GML: variants seen among roughly 807,000 people sequenced by gnomAD.
GML encodes the protein glycosylphosphatidylinositol anchored molecule like.
Under a neutral mutation model 8.2 loss-of-function variants are expected in GML, and 5 were observed. That is an observed-to-expected ratio of 0.61 (90% CI 0.32 to 1.28). The LOEUF (loss-of-function observed/expected upper bound fraction) is 1.28. GML is among the 50% of genes most tolerant of loss of function. GML has a pLI of 0.06. For missense variants in GML, 191 were observed against 198.3 expected, an observed-to-expected ratio of 0.96 and a Z score of 0.22; for synonymous variants, 72 against 69.0, an observed-to-expected ratio of 1.04 and a Z score of -0.22.
In GML at chr8:142,843,325, A is replaced by T. The variant is rs73715246; in HGVS notation, c.181+2100A>T. ...CATAACCCCACTACCTTGTGGATTCAATAACAGAATTGCAATGTGGTTTAC... is the reference window on the plus strand; with the variant it reads ...CATAACCCCACTACCTTGTGGATTCTATAACAGAATTGCAATGTGGTTTAC... On this transcript the variant is annotated intron_variant, in intron 3 of 3. Coordinates refer to ENST00000220940, the MANE Select transcript of GML (RefSeq NM_002066.3). 8.6e-3 allele frequency among the ~76,000 whole-genome samples: 1,286 copies of T among 149,474 alleles called. 17 individuals carry two copies. The highest frequency in any genetic ancestry group is 0.029 in the African/African-American group (1,190 of 40,520).
At position 142,846,712 on chromosome 8, in the gene GML, G is replaced by T; in HGVS notation, c.*22G>T. On this transcript the variant is annotated 3_prime_UTR_variant, in exon 4 of 4. Coordinates refer to ENST00000220940, the MANE Select transcript of GML (RefSeq NM_002066.3). Reference sequence around the variant, plus strand: ...ATGAGGACCCCACCTTGGAGGGTCTGACCATCTTCACCTGTTCCGCAGAGA... The same window carrying T: ...ATGAGGACCCCACCTTGGAGGGTCTTACCATCTTCACCTGTTCCGCAGAGA... 1 of 1,567,794 alleles carries T rather than the reference G, an allele frequency of 6.4e-7. No homozygotes were observed. The highest frequency in any genetic ancestry group is 1.1e-5 in the South Asian group (1 of 89,048).
chr8:142,839,674 A>T (rs1816396982), intron 1 of GML, among the ~76,000 whole-genome samples: 1 of 152,092 alleles, frequency 6.6e-6, no homozygotes, highest in Admixed American at 6.6e-5. Flanking sequence ...GGGGTAGGGG[A>T]TGGAGACAGT....
At chr8:142,842,306 G>A (rs1408612456) in intron 3 of GML, among the ~76,000 whole-genome samples, 1 of 152,150 alleles carries the variant, frequency 6.6e-6, no homozygotes, top group African/African-American at 2.4e-5. Context: ...CCAGTCTCGG[G>A]CAGTTCTTTA....
intron 3 of GML, among the ~76,000 whole-genome samples, chr8:142,843,267 C>CACACACAG (rs1160208947): frequency 7.0e-6 from 1 of 142,522 alleles, no homozygotes; most frequent in Non-Finnish European, 1.5e-5. Context: ...CACACACACA[C>CACACACAG]ACACACACAC....
intron 3 of GML, among the ~76,000 whole-genome samples, chr8:142,842,113 C>T (rs1049750365): frequency 1.2e-4 from 18 of 152,090 alleles, no homozygotes; most frequent in African/African-American, 4.1e-4. Flanking sequence ...ATGATGTTCT[C>T]GTGATAGTGA....
chr8:142,841,758 C>T (rs1185900179), intron 3 of GML, among the ~76,000 whole-genome samples: 2 of 152,174 alleles, frequency 1.3e-5, no homozygotes, highest in East Asian at 3.9e-4. Flanking sequence ...CTCCCCAGGG[C>T]CCTAACCTGC....
chr8:142,843,772 A>T lies in GML; in HGVS notation c.181+2547A>T, dbSNP rs142732580. On this transcript the variant is annotated intron_variant, in intron 3 of 3. Coordinates refer to ENST00000220940, the MANE Select transcript of GML (RefSeq NM_002066.3). ...AATCAAGTACCACAAATCTAACTGG[A>T]TTTGTGCAAGATTTCAACACTCAAA... is the stretch of plus-strand genomic sequence containing the variant. Among the ~76,000 whole-genome samples the T allele has an allele frequency of 2.6e-5, 4 of 151,752 alleles. No individual in the cohort carries two copies. The East Asian group carries it at 7.7e-4, about 29-fold the overall frequency.
At position 142,841,226 on chromosome 8, in the gene GML, G is replaced by A. The variant is rs114099899; in HGVS notation, c.181+1G>A. 1.5e-3 allele frequency: 2,034 copies of A among 1,356,260 alleles called. 21 individuals are homozygous for A. The African/African-American group carries it at 0.025, about 17-fold the overall frequency. The allele number at this position is 1,356,260 out of a possible 1,614,324, so 84.0% of individuals were successfully genotyped here. A position where few individuals can be genotyped will look rare whatever the true frequency, so the allele number is the denominator to read the frequency against. Reference sequence around the variant, plus strand: ...AGGCGCTGTATGACAATCTCCATTCGTAAGTACCTCTTTGTCATTTTGACA... The same window carrying A: ...AGGCGCTGTATGACAATCTCCATTCATAAGTACCTCTTTGTCATTTTGACA... On this transcript the variant is annotated splice_donor_variant, in intron 3 of 3. Coordinates refer to ENST00000220940, the MANE Select transcript of GML (RefSeq NM_002066.3). LOFTEE classifies it high-confidence loss of function.
chr8:142,841,853 C>T (rs369393035), intron 3 of GML, among the ~76,000 whole-genome samples: 18 of 152,200 alleles, frequency 1.2e-4, no homozygotes, highest in Admixed American at 3.9e-4. Flanking sequence ...ACAGGTGGAG[C>T]CTCGTCTGGG....
Position 142,836,836 on chromosome 8 carries a change from G to A in GML, c.-23+1968G>A, listed in dbSNP as rs1438556806. ...CTCTAACCCTAACTGAAGCCATCTTGAGCGGTGCCCTTCCCCTTCTCCTAC... is the reference window on the plus strand; with the variant it reads ...CTCTAACCCTAACTGAAGCCATCTTAAGCGGTGCCCTTCCCCTTCTCCTAC... On this transcript the variant is annotated intron_variant, in intron 1 of 3. Coordinates refer to ENST00000220940, the MANE Select transcript of GML (RefSeq NM_002066.3). Among the ~76,000 whole-genome samples the A allele has an allele frequency of 3.3e-5, 5 of 152,174 alleles. No individual in the cohort carries two copies. The South Asian group carries it at 8.3e-4, about 25-fold the overall frequency.
At chr8:142,845,740 T>G (rs1180340030) in intron 3 of GML, among the ~76,000 whole-genome samples, 1 of 152,150 alleles carries the variant, frequency 6.6e-6, no homozygotes, top group Admixed American at 6.5e-5. Context: ...TTGATCACAT[T>G]AGTCGTGATC....
intron 3 of GML, among the ~76,000 whole-genome samples, chr8:142,841,685 C>T (rs889938410): frequency 8.5e-5 from 13 of 152,212 alleles, no homozygotes; most frequent in Admixed American, 1.3e-4. Flanking sequence ...AGCATGAGGT[C>T]AGGGCACAGC....
At chr8:142,843,058 G>A (rs1816456839) in intron 3 of GML, among the ~76,000 whole-genome samples, 1 of 152,136 alleles carries the variant, frequency 6.6e-6, no homozygotes, top group Non-Finnish European at 1.5e-5. Context: ...GGGAATGCTG[G>A]AATGCTGGGA....
Position 142,846,655 on chromosome 8 carries a change from T to A in GML, c.442T>A (p.Phe148Ile), listed in dbSNP as rs1385032552. The part of the protein sequence containing the change: ...RLGVSKLLLS[F>I]ASIIVSNILP The stretch of plus-strand genomic sequence containing the variant: ...GGGGGTATCAAAACTGTTGCTGAGT[T>A]TTGCCTCTATCATAGTCAGCAATAT... The change falls in exon 4 of 4, where the codon TTT (phenylalanine) becomes ATT (isoleucine). Residue 148 changes from phenylalanine (F) to isoleucine (I), a missense_variant. Phe to Ile is a conservative substitution (Grantham distance 21, BLOSUM62 0). Coordinates refer to ENST00000220940, the MANE Select transcript of GML (RefSeq NM_002066.3). The A allele has an allele frequency of 6.2e-7, 1 of 1,614,026 alleles. No homozygotes were observed. The highest frequency in any genetic ancestry group is 8.5e-7 in the Non-Finnish European group (1 of 1,179,942).
At chr8:142,846,356 T>C in intron 3 of GML, 39 bp from the exon 4 acceptor site, 2 of 1,367,128 alleles carry the variant, frequency 1.5e-6, no homozygotes, top group Non-Finnish European at 1.0e-6. Context: ...AAGCAGAAAA[T>C]GTGAAATCAA....
At chr8:142,840,390 T>G in intron 1 of GML, 26 bp from the exon 2 acceptor site, 3 of 1,404,266 alleles carry the variant, frequency 2.1e-6, no homozygotes, top group African/African-American at 1.4e-5. Flanking sequence ...CTCACTAACG[T>G]GTTGTATGGG....
intron 1 of GML, among the ~76,000 whole-genome samples, chr8:142,839,138 G>C (rs1184138510): frequency 1.3e-5 from 2 of 152,160 alleles, no homozygotes; most frequent in Non-Finnish European, 2.9e-5. Context: ...GGGAAAGCAG[G>C]CACGACAGAG....
At chr8:142,836,918 A>G (rs1164772798) in intron 1 of GML, among the ~76,000 whole-genome samples, 1 of 152,174 alleles carries the variant, frequency 6.6e-6, no homozygotes, top group East Asian at 1.9e-4. Context: ...TCTGAAATTG[A>G]AATCTTTTCT....
rs749347372 is a variant in GML, at chr8:142,840,475, C to G, written c.38C>G (p.Pro13Arg). The change falls in exon 2 of 4, where the codon CCA (proline) becomes CGA (arginine). Residue 13 changes from proline to arginine, a missense_variant. Pro to Arg is a moderately radical substitution (Grantham distance 103, BLOSUM62 -2). Coordinates refer to ENST00000220940, the MANE Select transcript of GML (RefSeq NM_002066.3). ...LFALLLAMELPLVAASATMRA... is the reference protein window; with the variant it reads ...LFALLLAMELRLVAASATMRA... ...GCCTTACTCCTAGCCATGGAGCTCC[C>G]ATTGGTGGCAGCCAGTGCCACCATG... 1 of 1,613,654 alleles carries G rather than the reference C, an allele frequency of 6.2e-7. No individual in the cohort carries two copies. Among genetic ancestry groups the G allele is most frequent in the Non-Finnish European group, 8.5e-7 (1 of 1,179,524 alleles).
Sources: gnomAD v4.1 joint callset for allele counts (sites outside exome capture counted in the v4.1 genomes callset) on GRCh38, gnomAD v4.1.1 for gene constraint, MANE v1.5 for transcripts, NCBI Gene and HGNC (gene_info 2026-07-23, HGNC 2026-07-21) for gene names.